Variants in NKIRAS1 observed in about 807,000 individuals in gnomAD.
The protein encoded by NKIRAS1 is NF-kappa-B inhibitor-interacting Ras-like protein 1.
Under a neutral mutation model 19.8 loss-of-function variants are expected in NKIRAS1, and 16 were observed. That is an observed-to-expected ratio of 0.81 (90% CI 0.55 to 1.23). NKIRAS1 has a LOEUF of 1.23. Ranked by LOEUF, NKIRAS1 falls within the 50% of genes most tolerant of loss-of-function variation. The probability of loss-of-function intolerance (pLI) is 0.00; values close to 1 mark genes in which losing one functional copy is unlikely to be tolerated. For missense variants in NKIRAS1, 184 were observed against 220.0 expected, an observed-to-expected ratio of 0.84 and a Z score of 1.04; for synonymous variants, 88 against 79.0, an observed-to-expected ratio of 1.11 and a Z score of -0.61.
At chr3:23,917,734 A>C, upstream of NKIRAS1, 1 of 1,059,188 alleles carries the variant, frequency 9.4e-7, no homozygotes, top group Non-Finnish European at 1.4e-6. Flanking sequence ...GTTGGTGCAG[A>C]GCCATTTTCA....
Position 23,890,660 on chromosome 3 carries a change from A to G in NKIRAS1, c.*2435T>C, listed in dbSNP as rs930664130. On this transcript the variant is annotated 3_prime_UTR_variant, in exon 5 of 5. Transcript: ENST00000425478. ...TGTCTGTCACAGAAGAGAGCTGCTT[A>G]TGATTTTGAAGGGGTCAGGGAGGGT... 6 of 1,180,812 alleles carry G rather than the reference A, an allele frequency of 5.1e-6. No individual in the cohort carries two copies. The highest frequency in any genetic ancestry group is 7.3e-6 in the Non-Finnish European group (6 of 824,292). The allele number at this position is 1,180,812 out of a possible 1,614,324, so 73.1% of individuals were successfully genotyped here.
chr3:23,906,457 T>C (rs942576265), intron 3 of NKIRAS1, among the ~76,000 whole-genome samples: 8 of 152,152 alleles, frequency 5.3e-5, no homozygotes, highest in Admixed American at 6.5e-5. Context: ...CACTGACCCT[T>C]AAACAACACA....
rs1265174129 is a variant in NKIRAS1 at position 23,891,053 on chromosome 3, T to C, written c.*2042A>G. On this transcript the variant is annotated 3_prime_UTR_variant, in exon 5 of 5. Transcript: ENST00000425478. Reference sequence around the variant, plus strand: ...TTAACAGAGTTTTTAGAGATTGTCATCTCATATATATAAAATGGACACGTG... The same window carrying C: ...TTAACAGAGTTTTTAGAGATTGTCACCTCATATATATAAAATGGACACGTG... 1 of 153,190 alleles carries C rather than the reference T, an allele frequency of 6.5e-6. No homozygotes were observed. The highest frequency in any genetic ancestry group is 1.5e-5 in the Non-Finnish European group (1 of 68,464). The allele number at this position is 153,190 out of a possible 1,614,324, so 9.5% of individuals were successfully genotyped here.
intron 3 of NKIRAS1, among the ~76,000 whole-genome samples, chr3:23,910,223 T>C (rs1343428867): frequency 7.0e-6 from 1 of 141,880 alleles, no homozygotes; most frequent in East Asian, 2.3e-4. Flanking sequence ...AGTAACACCA[T>C]CTTGGCTCAC....
rs375500442 is a variant in NKIRAS1 at position 23,942,675 on chromosome 3, CCGTCCT to C, written c.-140+3642_-140+3647del. Reference sequence around the variant, plus strand: ...CAAACTCCTGATCTCAGATGATCTGCCGTCCTCGGCCTCCCAAAGTGCTGGGTGAGC... The same window carrying C: ...CAAACTCCTGATCTCAGATGATCTGCCGGCCTCCCAAAGTGCTGGGTGAGC... On this transcript the variant is annotated intron_variant, in intron 1 of 4. Coordinates refer to the NKIRAS1 transcript ENST00000421515. 6.2e-4 allele frequency among the ~76,000 whole-genome samples: 94 copies of C among 152,348 alleles called. 1 individual carries two copies. The highest frequency in any genetic ancestry group is 2.2e-3 in the African/African-American group (92 of 41,598).
chr3:23,944,274 G>A (rs1488055270), intron 1 of NKIRAS1, among the ~76,000 whole-genome samples: 4 of 152,162 alleles, frequency 2.6e-5, no homozygotes, highest in African/African-American at 9.7e-5. Context: ...GGGAAATAGG[G>A]TGTTGCACAT....
chr3:23,897,389 T>C (rs1320357356), intron 4 of NKIRAS1, among the ~76,000 whole-genome samples: 1 of 152,224 alleles, frequency 6.6e-6, no homozygotes, highest in Non-Finnish European at 1.5e-5. Flanking sequence ...AACACAGTCC[T>C]TTTTACATAT....
Position 23,927,031 on chromosome 3 carries a change from C to A in NKIRAS1, c.-139-15581G>T, listed in dbSNP as rs186416070. Among the ~76,000 whole-genome samples the A allele has an allele frequency of 8.5e-4, 129 of 152,296 alleles. 1 individual carries two copies. The highest frequency in any genetic ancestry group is 1.7e-3 in the South Asian group (8 of 4,824). ...CAAGCAACACTCTCCACAGCCCCAA[C>A]ATCATTCCAGTTCAGCCTTGGGAAG... On this transcript the variant is annotated intron_variant, in intron 1 of 4. Coordinates refer to the NKIRAS1 transcript ENST00000421515. This position sits in a 1 kb window ranked among gnomAD's most constrained non-coding sequence, Gnocchi z 4.0.
intron 1 of NKIRAS1, among the ~76,000 whole-genome samples, chr3:23,936,002 G>A (rs1307953589): frequency 1.4e-5 from 2 of 139,608 alleles, no homozygotes; most frequent in Non-Finnish European, 3.0e-5. Context: ...AGAATTGCTT[G>A]AGCCCAGAAA....
chr3:23,897,327 T>A (rs570954617), intron 4 of NKIRAS1, among the ~76,000 whole-genome samples: 1 of 152,202 alleles, frequency 6.6e-6, no homozygotes, highest in South Asian at 2.1e-4. Context: ...TTAAAAAGCA[T>A]GCTTAATGTA....
At chr3:23,919,123 A>G, upstream of NKIRAS1, 1 of 1,018,784 alleles carries the variant, frequency 9.8e-7, no homozygotes. Flanking sequence ...TAGAGTTGAG[A>G]ATTAAAATTC....
At chr3:23,941,939 CTT>C (rs1004263175) in intron 1 of NKIRAS1, among the ~76,000 whole-genome samples, 31 of 151,962 alleles carry the variant, frequency 2.0e-4, no homozygotes, top group African/African-American at 7.0e-4. Flanking sequence ...GTGGTAACCT[CTT>C]ATACAATTTT....
chr3:23,919,810 A>G, upstream of NKIRAS1: 1 of 1,061,210 alleles, frequency 9.4e-7, no homozygotes, highest in Non-Finnish European at 1.1e-6. Context: ...AGCCCTGTAG[A>G]TTTGTCTGGT....
Position 23,922,033 on chromosome 3 carries a change from T to G in NKIRAS1, c.-139-10583A>C. ...AATTTACTTTAGTAATAACAACAATTGGCTGGGTGCGGTGGCTCACGCCTG... is the reference window on the plus strand; with the variant it reads ...AATTTACTTTAGTAATAACAACAATGGGCTGGGTGCGGTGGCTCACGCCTG... On this transcript the variant is annotated intron_variant, in intron 1 of 4. Transcript: ENST00000421515. The surrounding 1 kb of genome is among the most constrained non-coding windows in gnomAD (Gnocchi z 4.2). 2.5e-5 allele frequency: 4 copies of G among 159,444 alleles called. No homozygotes were observed. The highest frequency in any genetic ancestry group is 2.7e-5 in the Non-Finnish European group (2 of 72,914). The allele number at this position is 159,444 out of a possible 1,614,324, so 9.9% of individuals were successfully genotyped here.
chr3:23,896,607 T>C (rs1702021790), intron 4 of NKIRAS1, among the ~76,000 whole-genome samples: 2 of 150,014 alleles, frequency 1.3e-5, no homozygotes, highest in South Asian at 2.2e-4. Flanking sequence ...CAAGACTCCA[T>C]CTCAAAAAAA....
chr3:23,894,432 C>G (rs186404610), intron 4 of NKIRAS1, among the ~76,000 whole-genome samples: 194 of 152,272 alleles, frequency 1.3e-3, no homozygotes, highest in African/African-American at 4.4e-3. Flanking sequence ...GAAAGTGGGC[C>G]AGAGCTCCAG....
At chr3:23,910,180 C>CA (rs1703541661) in intron 3 of NKIRAS1, among the ~76,000 whole-genome samples, 1 of 103,250 alleles carries the variant, frequency 9.7e-6, no homozygotes, top group African/African-American at 4.0e-5. Flanking sequence ...TTTTTTGAGA[C>CA]AGAGTCTCGC....
At position 23,900,949 on chromosome 3, in the gene NKIRAS1, T is replaced by C. The variant is rs554496864; in HGVS notation, c.195A>G (p.Leu65=). The part of the protein sequence containing the change: ...EQLHLYDTRG[L]QEGVELPKHY... The stretch of plus-strand genomic sequence containing the variant: ...GCTTTGGCAGCTCCACGCCTTCCTG[T>C]AGACCTCTGGTGTCATAAAGATGTA... The change falls in exon 4 of 5, where the codon CTA becomes CTG. Residue 65 remains leucine (L), a synonymous_variant. Coordinates refer to ENST00000425478, the MANE Select transcript of NKIRAS1 (RefSeq NM_020345.4). 6.2e-7 allele frequency: 1 copy of C among 1,614,230 alleles called. No individual in the cohort carries two copies. Among genetic ancestry groups the C allele is most frequent in the African/African-American group, 1.3e-5 (1 of 75,078 alleles).
Position 23,891,943 on chromosome 3 carries a change from AAATG to A in NKIRAS1, c.*1148_*1151del. The A allele has an allele frequency of 6.6e-6, 1 of 152,200 alleles. No individual in the cohort carries two copies. The highest frequency in any genetic ancestry group is 1.5e-5 in the Non-Finnish European group (1 of 68,014). The allele number at this position is 152,200 out of a possible 1,614,324, so 9.4% of individuals were successfully genotyped here. On this transcript the variant is annotated 3_prime_UTR_variant, in exon 5 of 5. Transcript: ENST00000425478. ...TGTCTGGTAATTTTTTTTTACCAAA[AAATG>A]AATTTATGATGAGAAATTTTGAAGA...
Sources: allele counts gnomAD v4.1 joint callset (sites outside exome capture counted in the v4.1 genomes callset), GRCh38; gene constraint gnomAD v4.1.1; non-coding constraint Gnocchi (gnomAD v3.1); transcripts MANE v1.5; gene names NCBI Gene and HGNC (gene_info 2026-07-23, HGNC 2026-07-21).